SUMF1: variants seen among roughly 807,000 people sequenced by gnomAD.
SUMF1 encodes the protein formylglycine-generating enzyme.
Under a neutral mutation model 47.6 loss-of-function variants are expected in SUMF1, and 48 were observed. The observed-to-expected ratio is 1.01, with a 90% CI of 0.80 to 1.28. The LOEUF (loss-of-function observed/expected upper bound fraction) is 1.28. Ranked by LOEUF, SUMF1 falls within the 50% of genes most tolerant of loss-of-function variation. The pLI, the probability that SUMF1 is intolerant of heterozygous loss-of-function variation, is 0.00. For missense variants in SUMF1, 571 were observed against 485.4 expected (o/e 1.18, Z -1.66); for synonymous variants, 230 against 192.1 (o/e 1.20, Z -1.63).
intron 8 of SUMF1, among the ~76,000 whole-genome samples, chr3:4,226,264 C>CTTTTTTTTTTTTTTTTTTTTT (rs869300368): frequency 3.4e-5 from 3 of 86,988 alleles, no homozygotes; most frequent in Admixed American, 1.6e-4. Context: ...TTTTTTGTTT[C>CTTTTTTTTTTTTTTTTTTTTT]TTTTTTTTTT....
intron 8 of SUMF1, among the ~76,000 whole-genome samples, chr3:4,214,525 A>G (rs1285831074): frequency 6.6e-6 from 1 of 152,192 alleles, no homozygotes; most frequent in Non-Finnish European, 1.5e-5. Flanking sequence ...ACAAATTCAA[A>G]AGCGAGCAGA....
intron 8 of SUMF1, among the ~76,000 whole-genome samples, chr3:4,104,160 G>A (rs1478671633): frequency 6.6e-6 from 1 of 152,058 alleles, no homozygotes; most frequent in Admixed American, 6.5e-5. Context: ...ACTGCATAAT[G>A]CAGGCAGTTT....
chr3:4,167,159 G>A (rs1694726559), intron 8 of SUMF1, among the ~76,000 whole-genome samples: 1 of 152,012 alleles, frequency 6.6e-6, no homozygotes, highest in South Asian at 2.1e-4. Context: ...TGTGGTGAGT[G>A]TTACAGCTCT....
At position 4,416,706 on chromosome 3, in the gene SUMF1, A is replaced by C. The variant is rs1369969085; in HGVS notation, c.840+422T>G. ...ACCTACCTTACAGAGTTGAATGGAC[A>C]GTAAATGAGACAATTCATGCAAATG... On this transcript the variant is annotated intron_variant, in intron 6 of 8. Coordinates refer to ENST00000272902, the MANE Select transcript of SUMF1 (RefSeq NM_182760.4). 4.0e-5 allele frequency among the ~76,000 whole-genome samples: 6 copies of C among 148,376 alleles called. No homozygotes were observed. The East Asian group carries it at 9.8e-4, about 24-fold the overall frequency.
In SUMF1 at chr3:4,114,211, T is replaced by G. The variant is rs549559211; in HGVS notation, c.1015-45466A>C. On this transcript the variant is annotated intron_variant and NMD_transcript_variant, in intron 8 of 12. Coordinates refer to the SUMF1 transcript ENST00000448413. ...TGTTACCCATGAATAAAGAGAAAAT[T>G]ACAATGGGGAAGGACATGAAGTTTT... Among the ~76,000 whole-genome samples the G allele has an allele frequency of 7.9e-5, 12 of 152,220 alleles. No individual in the cohort carries two copies. In the South Asian group the frequency reaches 2.5e-3, roughly 32 times the overall value.
downstream of SUMF1, among the ~76,000 whole-genome samples, chr3:4,358,024 A>T (rs1699660464): frequency 6.6e-6 from 1 of 152,170 alleles, no homozygotes; most frequent in African/African-American, 2.4e-5. Context: ...TGAAAAGAAA[A>T]TGCCCATATT....
chr3:4,075,516 AG>A (rs1399443886), intron 8 of SUMF1, among the ~76,000 whole-genome samples: 1 of 152,154 alleles, frequency 6.6e-6, no homozygotes, highest in African/African-American at 2.4e-5. Flanking sequence ...AAAGAAAAAA[AG>A]GGTATTCAAT....
In SUMF1 at chr3:4,302,825, G is replaced by C. The variant is rs112337491; in HGVS notation, c.1014+73505C>G. Among the ~76,000 whole-genome samples the C allele has an allele frequency of 2.0e-3, 300 of 152,266 alleles. 2 individuals carry two copies. Among genetic ancestry groups the C allele is most frequent in the African/African-American group, 6.7e-3 (280 of 41,548 alleles). On this transcript the variant is annotated intron_variant and NMD_transcript_variant, in intron 8 of 12. Coordinates refer to the SUMF1 transcript ENST00000448413. ...GCAGGGGTTTGGAGGGGTGAGGGTA[G>C]AGGGATGGAGAGGAGGGAAAAGGAC... is the stretch of plus-strand genomic sequence containing the variant.
At chr3:4,230,005 C>T (rs1321731166) in intron 8 of SUMF1, among the ~76,000 whole-genome samples, 3 of 151,440 alleles carry the variant, frequency 2.0e-5, no homozygotes, top group Admixed American at 1.3e-4. Context: ...AGAGTGAGAC[C>T]TTGTCACCAA....
chr3:4,054,769 C>A (rs182353866), intron 9 of SUMF1, among the ~76,000 whole-genome samples: 5 of 152,146 alleles, frequency 3.3e-5, no homozygotes, highest in African/African-American at 9.7e-5. Flanking sequence ...ACAATATCAA[C>A]AACAACATCT....
At chr3:4,060,485 T>A (rs1695259853) in intron 9 of SUMF1, among the ~76,000 whole-genome samples, 1 of 152,156 alleles carries the variant, frequency 6.6e-6, no homozygotes, top group South Asian at 2.1e-4. Flanking sequence ...AATTCAGAAT[T>A]TTTTGGACTT....
chr3:4,382,330 A>AC (rs1559261446), intron 7 of SUMF1, among the ~76,000 whole-genome samples: 13 of 118,514 alleles, frequency 1.1e-4, no homozygotes, highest in African/African-American at 5.3e-4. Context: ...ACACACACAC[A>AC]TACATGCACA....
intron 8 of SUMF1, among the ~76,000 whole-genome samples, chr3:4,268,492 T>C (rs74388641): frequency 0.033 from 4,860 of 148,950 alleles, 130 homozygotes; most frequent in African/African-American, 0.071. Flanking sequence ...TAAAATAAAA[T>C]GTTTTTCTTT....
chr3:4,252,734 C>A (rs532889282), intron 8 of SUMF1, among the ~76,000 whole-genome samples: 15 of 152,050 alleles, frequency 9.9e-5, no homozygotes, highest in Non-Finnish European at 1.9e-4. Flanking sequence ...CATTCTTTCA[C>A]CAAGTACAGT....
At chr3:4,082,059 A>G (rs1256880628) in intron 8 of SUMF1, among the ~76,000 whole-genome samples, 1 of 152,176 alleles carries the variant, frequency 6.6e-6, no homozygotes, top group African/African-American at 2.4e-5. Context: ...TTGTGTATAG[A>G]TAGATATTGA....
chr3:4,440,107 G>C (rs746883765), intron 3 of SUMF1, among the ~76,000 whole-genome samples: 2 of 151,732 alleles, frequency 1.3e-5, no homozygotes, highest in East Asian at 3.9e-4. Flanking sequence ...TTGGTGGCGG[G>C]AGCCTATAAT....
At chr3:4,284,452 G>GGAGGAT in intron 8 of SUMF1, among the ~76,000 whole-genome samples, 1 of 141,096 alleles carries the variant, frequency 7.1e-6, no homozygotes, top group African/African-American at 2.5e-5. Flanking sequence ...AGGAGGAGGA[G>GGAGGAT]GAGGAGGAGG....
chr3:4,219,448 G>C (rs1041583408), intron 8 of SUMF1, among the ~76,000 whole-genome samples: 1 of 152,092 alleles, frequency 6.6e-6, no homozygotes, highest in African/African-American at 2.4e-5. Flanking sequence ...TTTCTGCTGT[G>C]CCAGATGTTT....
At chr3:4,221,161 A>T (rs1247849846) in intron 8 of SUMF1, among the ~76,000 whole-genome samples, 1 of 151,916 alleles carries the variant, frequency 6.6e-6, no homozygotes, top group East Asian at 1.9e-4. Context: ...ATAATTTTCC[A>T]CCTCTTTCAT....
Sources: gnomAD v4.1 joint callset for allele counts (sites outside exome capture counted in the v4.1 genomes callset) on GRCh38, gnomAD v4.1.1 for gene constraint, MANE v1.5 for transcripts, NCBI Gene and HGNC (gene_info 2026-07-23, HGNC 2026-07-21) for gene names.